Variants in PBXIP1 observed in about 807,000 individuals in gnomAD.
PBXIP1 encodes pre-B-cell leukemia transcription factor-interacting protein 1.
PBXIP1 carries 73 observed loss-of-function variants against 73.7 expected under a neutral mutation model. The observed-to-expected ratio is 0.99, with a 90% CI of 0.82 to 1.20. The LOEUF is 1.20. PBXIP1 is among the 50% of genes most tolerant of loss of function. The pLI is 0.00. For synonymous variants in PBXIP1, 330 were observed against 366.9 expected (o/e 0.90, Z 1.15); for missense variants, 818 against 911.4 (o/e 0.90, Z 1.32).
intron 5 of PBXIP1, among the ~76,000 whole-genome samples, chr1:154,949,514 C>T (rs892422179): frequency 2.0e-5 from 3 of 152,108 alleles, no homozygotes; most frequent in African/African-American, 7.2e-5. Context: ...CCATCCTGAG[C>T]CTCGGCATCT....
chr1:154,951,976 A>G lies in PBXIP1; in HGVS notation c.52-55T>C. On this transcript the variant is annotated intron_variant, in intron 2 of 10. Transcript: ENST00000368463. This position sits in a 1 kb window ranked among gnomAD's most constrained non-coding sequence, Gnocchi z 4.3. Reference sequence around the variant, plus strand: ...GCACCCAAGAATGGGGCCCCAGCCCACATCCCAGAAACACACACATTCAGT... The same window carrying G: ...GCACCCAAGAATGGGGCCCCAGCCCGCATCCCAGAAACACACACATTCAGT... 3 of 1,560,902 alleles carry G rather than the reference A, an allele frequency of 1.9e-6. No homozygotes were observed. Among genetic ancestry groups the G allele is most frequent in the Non-Finnish European group, 2.6e-6 (3 of 1,158,622 alleles).
intron 5 of PBXIP1, among the ~76,000 whole-genome samples, chr1:154,949,051 T>G (rs759273877): frequency 3.3e-5 from 5 of 152,034 alleles, no homozygotes; most frequent in African/African-American, 4.8e-5. Context: ...CCAGACAGTT[T>G]CACAGTTCTA....
chr1:154,948,172 C>A lies in PBXIP1; in HGVS notation c.604G>T (p.Ala202Ser), dbSNP rs146747240. The A allele has an allele frequency of 2.0e-4, 313 of 1,599,586 alleles. 2 individuals are homozygous for A. The African/African-American group carries it at 3.7e-3, about 19-fold the overall frequency. The change falls in exon 6 of 11, where the codon GCC becomes TCC. Residue 202 changes from alanine to serine, a missense_variant. Physicochemically the swap from Ala to Ser is moderately conservative, Grantham distance 99. Transcript: ENST00000368463. ...GISLNMCLLG[A>S]LVLLGLGVLL... ...ACCCCCAGGCCAAGCAGAACCAGGG[C>A]CCCAAGGAGGCACATGTTGAGGGAG...
chr1:154,955,054 A>C (rs969791379), intron 1 of PBXIP1: 49 of 606,728 alleles, frequency 8.1e-5, no homozygotes, highest in Non-Finnish European at 8.9e-5. Context: ...TCAAGATCCA[A>C]GTCCTGGATA....
chr1:154,955,898 C>G (rs1655162991), intron 1 of PBXIP1, among the ~76,000 whole-genome samples, 171 bp downstream of exon 1: 1 of 152,232 alleles, frequency 6.6e-6, no homozygotes. Context: ...GGCCACTTGC[C>G]TGGGGTACCC....
chr1:154,955,429 A>T (rs376468491), intron 1 of PBXIP1, among the ~76,000 whole-genome samples: 4 of 152,182 alleles, frequency 2.6e-5, no homozygotes, highest in African/African-American at 9.7e-5. Flanking sequence ...CAGCAAAGGT[A>T]TTTGGGTCAA....
At position 154,951,515 on chromosome 1, in the gene PBXIP1, T is replaced by C. The variant is rs753662798; in HGVS notation, c.199A>G (p.Ser67Gly). The change falls in exon 4 of 11, where the codon AGC (serine) becomes GGC (glycine). Residue 67 changes from serine to glycine, a missense_variant. Transcript: ENST00000368463. This position sits in a 1 kb window ranked among gnomAD's most constrained non-coding sequence, Gnocchi z 4.3. ...DGEGTLFQTESPQSGSILTEE... is the reference protein window; with the variant it reads ...DGEGTLFQTEGPQSGSILTEE... Reference sequence around the variant, plus strand: ...GTTAGAATGCTGCCAGACTGAGGGCTTTCAGTCTGGAAGAGCGTCCCTGCG... The same window carrying C: ...GTTAGAATGCTGCCAGACTGAGGGCCTTCAGTCTGGAAGAGCGTCCCTGCG... The C allele has an allele frequency of 3.7e-6, 6 of 1,613,816 alleles. No individual in the cohort carries two copies. The highest frequency in any genetic ancestry group is 5.1e-6 in the Non-Finnish European group (6 of 1,179,724).
In PBXIP1 at chr1:154,949,139, CT is replaced by C. The variant is rs528803961; in HGVS notation, c.410-774del. The stretch of plus-strand genomic sequence containing the variant: ...CTTAGTTCAGGTCTGCATCTTCTTT[CT>C]TTTTTTTTTAATATTTATTTATTTT... On this transcript the variant is annotated intron_variant, in intron 5 of 10. Transcript: ENST00000368463. Among the ~76,000 whole-genome samples, 208 of 148,988 alleles carry C rather than the reference CT, an allele frequency of 1.4e-3. 1 individual carries two copies. Among genetic ancestry groups the C allele is most frequent in the African/African-American group, 4.3e-3 (176 of 40,710 alleles).
rs539667382 is a variant in PBXIP1, at chr1:154,945,555, C to T, written c.2102+17G>A. The T allele has an allele frequency of 1.2e-6, 2 of 1,603,818 alleles. No homozygotes were observed. Among genetic ancestry groups the T allele is most frequent in the Non-Finnish European group, 1.7e-6 (2 of 1,172,826 alleles). On this transcript the variant is annotated intron_variant, in intron 10 of 10. Coordinates refer to ENST00000368463, the MANE Select transcript of PBXIP1 (RefSeq NM_020524.4). ...TGCCTCTGTCCCACCCGACCCAACT[C>T]CCCCACAGCTGCCCACCTCTTCTTC...
chr1:154,953,764 A>G lies in PBXIP1; in HGVS notation c.-36-7T>C. 10 of 1,594,550 alleles carry G rather than the reference A, an allele frequency of 6.3e-6. No homozygotes were observed. Among genetic ancestry groups the G allele is most frequent in the Non-Finnish European group, 8.6e-6 (10 of 1,164,996 alleles). ...AGGCTGCTGTGGCTGCCACCTGCAG[A>G]AGAAAGCTCTCTTAAGGATGGGAGC... is the stretch of plus-strand genomic sequence containing the variant. On this transcript the variant is annotated splice_polypyrimidine_tract_variant and splice_region_variant and intron_variant, in intron 1 of 10. Transcript: ENST00000368463.
rs1476327571 is a variant in PBXIP1, at chr1:154,951,903, G to A, written c.70C>T (p.Leu24=). Residue 24 remains leucine, a synonymous_variant, in exon 3 of 11, where the codon CTG becomes TTG. Coordinates refer to ENST00000368463, the MANE Select transcript of PBXIP1 (RefSeq NM_020524.4). This position sits in a 1 kb window ranked among gnomAD's most constrained non-coding sequence, Gnocchi z 4.3. ...AGSESLPVET[L]GPASRMDPES... is the part of the protein sequence containing the mutation. ...GGGTCCATCCTGGATGCCGGGCCCA[G>A]TGTCTCCACTGGCAGGCTCTGGGAG... The A allele has an allele frequency of 2.5e-6, 4 of 1,611,226 alleles. No individual in the cohort carries two copies. The highest frequency in any genetic ancestry group is 3.4e-6 in the Non-Finnish European group (4 of 1,179,320).
At chr1:154,948,728 C>T (rs1654915908) in intron 5 of PBXIP1, among the ~76,000 whole-genome samples, 1 of 152,212 alleles carries the variant, frequency 6.6e-6, no homozygotes, top group Non-Finnish European at 1.5e-5. Context: ...TGGCTCTTCC[C>T]TGATCCTAAA....
At position 154,947,730 on chromosome 1, in the gene PBXIP1, C is replaced by G. The variant is rs1654877574; in HGVS notation, c.668-18G>C. The G allele has an allele frequency of 6.2e-7, 1 of 1,610,652 alleles. No homozygotes were observed. The highest frequency in any genetic ancestry group is 1.3e-5 in the African/African-American group (1 of 74,850). On this transcript the variant is annotated intron_variant, in intron 7 of 10. Transcript: ENST00000368463. ...CATGGGCCCTGTGGGAAAGGGAAACCCTGAAACTGGTCCTGAGGCACACAG... is the reference window on the plus strand; with the variant it reads ...CATGGGCCCTGTGGGAAAGGGAAACGCTGAAACTGGTCCTGAGGCACACAG...
At chr1:154,948,667 C>A (rs1190444790) in intron 5 of PBXIP1, among the ~76,000 whole-genome samples, 2 of 152,180 alleles carry the variant, frequency 1.3e-5, no homozygotes, top group East Asian at 3.9e-4. Context: ...TATTACCACC[C>A]TCCTGGGTTG....
rs754533506 is a variant in PBXIP1, at chr1:154,947,650, C to A, written c.730G>T (p.Asp244Tyr). 47 of 1,613,824 alleles carry A rather than the reference C, an allele frequency of 2.9e-5. No homozygotes were observed. The highest frequency in any genetic ancestry group is 8.0e-5 in the African/African-American group (6 of 74,890). ...PDPEVLEAVGDRQDGLREQLQ... is the reference protein window; with the variant it reads ...PDPEVLEAVGYRQDGLREQLQ... ...GAGACATTCACACATACCTGCCTGT[C>A]CCCCACAGCTTCCAGCACCTCGGGG... The change falls in exon 8 of 11, where the codon GAC becomes TAC. Residue 244 changes from aspartate to tyrosine, a missense_variant. Transcript: ENST00000368463.
chr1:154,951,583 T>G lies in PBXIP1; in HGVS notation c.179-48A>C. On this transcript the variant is annotated intron_variant, in intron 3 of 10. Transcript: ENST00000368463. This position sits in a 1 kb window ranked among gnomAD's most constrained non-coding sequence, Gnocchi z 4.3. ...GAAAAACCCACTGCCCCAGCTGAATTTCCTTTGCAGCCCTCTGTCCATCCC... is the reference window on the plus strand; with the variant it reads ...GAAAAACCCACTGCCCCAGCTGAATGTCCTTTGCAGCCCTCTGTCCATCCC... 1 of 1,582,672 alleles carries G rather than the reference T, an allele frequency of 6.3e-7. No individual in the cohort carries two copies. The highest frequency in any genetic ancestry group is 8.7e-7 in the Non-Finnish European group (1 of 1,152,168).
At position 154,947,507 on chromosome 1, in the gene PBXIP1, G is replaced by T. The variant is rs765063603; in HGVS notation, c.780C>A (p.Asp260Glu). Residue 260 changes from aspartate to glutamate, a missense_variant, in exon 9 of 11, where the codon GAC becomes GAA. Coordinates refer to ENST00000368463, the MANE Select transcript of PBXIP1 (RefSeq NM_020524.4). ...CCATGTTTTGCAGGCTGGGGACACT[G>T]TCAGGAGGCACTGGGGCCTGCAGCT... ...REQLQAPVPP[D>E]SVPSLQNMGL... is the part of the protein sequence containing the mutation. 6.2e-7 allele frequency: 1 copy of T among 1,610,968 alleles called. No homozygotes were observed. Among genetic ancestry groups the T allele is most frequent in the Non-Finnish European group, 8.5e-7 (1 of 1,177,952 alleles).
Position 154,945,026 on chromosome 1 carries a change from A to G in PBXIP1, c.2194T>C (p.Ter732ArgextTer41). Reference protein sequence around the residue: ...SHSHHHHHRG* With the variant: ...SHSHHHHHRGR ...GCCATTCCCTGTGGGGCAGGGTGTC[A>G]GCCCCGGTGGTGGTGGTGGTGGCTA... The change falls in exon 11 of 11, where the codon TGA becomes CGA. Residue 732 changes from the stop codon to arginine, a stop_lost. Coordinates refer to ENST00000368463, the MANE Select transcript of PBXIP1 (RefSeq NM_020524.4). 1 of 1,612,842 alleles carries G rather than the reference A, an allele frequency of 6.2e-7. No individual in the cohort carries two copies. The highest frequency in any genetic ancestry group is 8.5e-7 in the Non-Finnish European group (1 of 1,178,880).
At position 154,944,908 on chromosome 1, in the gene PBXIP1, G is replaced by T; in HGVS notation, c.*116C>A. 1.2e-6 allele frequency: 1 copy of T among 809,590 alleles called. No homozygotes were observed. The allele number at this position is 809,590 out of a possible 1,614,324, so 50.2% of individuals were successfully genotyped here. On this transcript the variant is annotated 3_prime_UTR_variant, in exon 11 of 11. Transcript: ENST00000368463. ...AGGGCTGGTGATTTTGCTCTACTGT[G>T]TGAAAGATATCTGAGGACACCAAAC...
Sources: gnomAD v4.1 joint callset for allele counts (sites outside exome capture counted in the v4.1 genomes callset) on GRCh38, gnomAD v4.1.1 for gene constraint, Gnocchi (gnomAD v3.1) non-coding constraint, MANE v1.5 for transcripts, NCBI Gene and HGNC (gene_info 2026-07-23, HGNC 2026-07-21) for gene names.